The following CARMIL1 variants were observed in gnomAD, a reference collection of about 807,000 sequenced individuals.
The protein encoded by CARMIL1 is F-actin-uncapping protein LRRC16A.
Under a neutral mutation model 177.1 loss-of-function variants are expected in CARMIL1, and 90 were observed. That is an observed-to-expected ratio of 0.51 (90% CI 0.43 to 0.61). The LOEUF is 0.61. CARMIL1 is among the 20% of genes least tolerant of loss of function. The pLI, the probability that CARMIL1 is intolerant of heterozygous loss-of-function variation, is 0.00. For synonymous variants in CARMIL1, 577 were observed against 606.2 expected (o/e 0.95, Z 0.71); for missense variants, 1,380 against 1,667.0 (o/e 0.83, Z 3.00).
intron 33 of CARMIL1, among the ~76,000 whole-genome samples, chr6:25,601,017 A>C (rs1033100189): frequency 2.0e-5 from 3 of 151,480 alleles, no homozygotes; most frequent in African/African-American, 7.3e-5. Context: ...ACCTCTTTTC[A>C]TCTCCCCCCA....
chr6:25,498,050 G>A (rs967951538), intron 16 of CARMIL1, among the ~76,000 whole-genome samples: 10 of 152,240 alleles, frequency 6.6e-5, no homozygotes, highest in African/African-American at 2.4e-4. Context: ...CACTCAGAGT[G>A]CAGTGTGAGT....
chr6:25,297,845 G>A (rs1168344618), intron 2 of CARMIL1, among the ~76,000 whole-genome samples: 1 of 152,122 alleles, frequency 6.6e-6, no homozygotes, highest in African/African-American at 2.4e-5. Flanking sequence ...TCAGAGTAGG[G>A]CTTTACATTT....
rs549488911 is a variant in CARMIL1 at position 25,337,041 on chromosome 6, G to T, written c.138+52132G>T. Among the ~76,000 whole-genome samples the T allele has an allele frequency of 8.5e-5, 13 of 152,320 alleles. No individual in the cohort carries two copies. The East Asian group carries it at 1.7e-3, about 20-fold the overall frequency. ...TATATTGTGTTTAAACTATATGCCT[G>T]CTTGAATAAGTGCAGTACTTATTTG... On this transcript the variant is annotated intron_variant, in intron 2 of 36. Transcript: ENST00000329474.
intron 31 of CARMIL1, among the ~76,000 whole-genome samples, chr6:25,586,091 C>T (rs1401989679): frequency 6.7e-6 from 1 of 149,292 alleles, no homozygotes; most frequent in Non-Finnish European, 1.5e-5. Context: ...GGCGGCCAGG[C>T]AGAGGCGCCC....
intron 4 of CARMIL1, among the ~76,000 whole-genome samples, chr6:25,429,286 A>G (rs1278036696): frequency 6.6e-6 from 1 of 152,216 alleles, no homozygotes; most frequent in Non-Finnish European, 1.5e-5. Context: ...GCAAGCATCC[A>G]TCTGAAGCAC....
At chr6:25,378,890 A>G (rs1167555375) in intron 2 of CARMIL1, among the ~76,000 whole-genome samples, 1 of 36,382 alleles carries the variant, frequency 2.7e-5, no homozygotes, top group East Asian at 4.6e-4. Flanking sequence ...CTTGGGGATT[A>G]AAAAAAAAAA....
intron 2 of CARMIL1, among the ~76,000 whole-genome samples, chr6:25,322,154 G>A (rs1453355090): frequency 1.4e-5 from 2 of 147,714 alleles, no homozygotes; most frequent in Admixed American, 6.7e-5. Flanking sequence ...ACAGAGTCTC[G>A]CTCTGTCACC....
At chr6:25,457,772 A>G (rs1456647737) in intron 8 of CARMIL1, among the ~76,000 whole-genome samples, 2 of 152,208 alleles carry the variant, frequency 1.3e-5, no homozygotes, top group East Asian at 3.8e-4. Flanking sequence ...TTAAATGTTT[A>G]TAAGATTTGT....
intron 29 of CARMIL1, among the ~76,000 whole-genome samples, chr6:25,570,205 C>T (rs1005101497): frequency 1.8e-4 from 28 of 152,338 alleles, no homozygotes; most frequent in Admixed American, 1.8e-3. Context: ...AGCTCGTGAT[C>T]TGCCCGCCTC....
At chr6:25,398,907 G>A (rs1793656910) in intron 2 of CARMIL1, among the ~76,000 whole-genome samples, 1 of 152,160 alleles carries the variant, frequency 6.6e-6, no homozygotes, top group African/African-American at 2.4e-5. Context: ...ATGTTGTTGG[G>A]ACAAGTTAAA....
intron 2 of CARMIL1, among the ~76,000 whole-genome samples, chr6:25,292,527 G>A (rs1008506403): frequency 6.6e-6 from 1 of 152,130 alleles, no homozygotes; most frequent in African/African-American, 2.4e-5. Flanking sequence ...GGCAGGCTCT[G>A]GCCCTGGGTG....
chr6:25,434,518 ATTTTTTTTTTTTT>A (rs5875039), intron 4 of CARMIL1, among the ~76,000 whole-genome samples: 2 of 101,706 alleles, frequency 2.0e-5, no homozygotes, highest in Admixed American at 1.1e-4. Context: ...GCTCAAAACC[ATTTTTTTTTTTTT>A]TTTTTTTTTT....
At chr6:25,425,392 T>C (rs1392768881) in intron 3 of CARMIL1, among the ~76,000 whole-genome samples, 4 of 152,194 alleles carry the variant, frequency 2.6e-5, no homozygotes, top group African/African-American at 9.7e-5. Flanking sequence ...TTGAGATGTT[T>C]AACTGGAGAT....
intron 2 of CARMIL1, among the ~76,000 whole-genome samples, chr6:25,400,712 G>A (rs1793814164): frequency 6.6e-6 from 1 of 152,202 alleles, no homozygotes; most frequent in African/African-American, 2.4e-5. Context: ...GATTACCCAA[G>A]TGATGTCACA....
At chr6:25,464,104 G>C (rs537661145) in intron 8 of CARMIL1, among the ~76,000 whole-genome samples, 5 of 152,158 alleles carry the variant, frequency 3.3e-5, no homozygotes, top group African/African-American at 1.2e-4. Context: ...TTACAGGCGT[G>C]AGCCACTGCG....
At chr6:25,281,127 T>TGTGC (rs142017993) in intron 1 of CARMIL1, among the ~76,000 whole-genome samples, 1,572 of 126,982 alleles carry the variant, frequency 0.012, 8 homozygotes, top group Middle Eastern at 0.039. Flanking sequence ...CACGCGCGTG[T>TGTGC]GCGCGCGCGC....
chr6:25,449,742 A>G (rs1798597177), intron 5 of CARMIL1, among the ~76,000 whole-genome samples, 156 bp from the exon 6 acceptor site: 1 of 152,228 alleles, frequency 6.6e-6, no homozygotes, highest in Non-Finnish European at 1.5e-5. Flanking sequence ...CTAGCTCTCT[A>G]GTGCTCAAAA....
chr6:25,282,683 TTTC>T (rs1372880454), intron 1 of CARMIL1, among the ~76,000 whole-genome samples: 2 of 152,186 alleles, frequency 1.3e-5, no homozygotes, highest in African/African-American at 2.4e-5. Flanking sequence ...AAAATTCTAT[TTTC>T]TTCTTTCATC....
At chr6:25,482,698 CAGAT>C (rs1049191757) in intron 12 of CARMIL1, among the ~76,000 whole-genome samples, 23 of 152,300 alleles carry the variant, frequency 1.5e-4, no homozygotes, top group Admixed American at 5.9e-4. Context: ...TTCTAACTGT[CAGAT>C]AGACTGTCTG....
Sources: allele counts gnomAD v4.1 joint callset (sites outside exome capture counted in the v4.1 genomes callset), GRCh38; gene constraint gnomAD v4.1.1; transcripts MANE v1.5; gene names NCBI Gene and HGNC (gene_info 2026-07-23, HGNC 2026-07-21).